The following TMEM178B variants were observed in gnomAD, a reference collection of about 807,000 sequenced individuals.
The protein encoded by TMEM178B is transmembrane protein 178B.
In TMEM178B, 5 loss-of-function variants were observed where a neutral mutation model predicts 31.0. The observed-to-expected ratio is 0.16, with a 90% CI of 0.08 to 0.34. The LOEUF (loss-of-function observed/expected upper bound fraction) is 0.34, where lower values mean the gene tolerates loss of function less well. Among genes scored for constraint, TMEM178B ranks in the 10% least tolerant of loss-of-function variants. The pLI, the probability that TMEM178B is intolerant of heterozygous loss-of-function variation, is 1.00. For synonymous variants in TMEM178B, 164 were observed against 164.0 expected (o/e 1.00, Z 0.00); for missense variants, 275 against 400.3 (o/e 0.69, Z 2.67).
Position 141,347,543 on chromosome 7 carries a change from T to A in TMEM178B, c.497-90065T>A, listed in dbSNP as rs796939171. Among the ~76,000 whole-genome samples the A allele has an allele frequency of 3.3e-5, 5 of 152,224 alleles. 1 individual carries two copies. Among genetic ancestry groups the A allele is most frequent in the African/African-American group, 1.2e-4 (5 of 41,526 alleles). ...GAGCCACATTGTGCAAAAATACTTA[T>A]CTTTAAGCACTAGCATCATGCTCCA... On this transcript the variant is annotated intron_variant, in intron 2 of 3. Coordinates refer to ENST00000565468, the MANE Select transcript of TMEM178B (RefSeq NM_001195278.2).
intron 1 of TMEM178B, among the ~76,000 whole-genome samples, chr7:141,089,687 AG>A (rs1379774707): frequency 1.3e-5 from 2 of 152,228 alleles, no homozygotes; most frequent in Non-Finnish European, 2.9e-5. Flanking sequence ...GCCATAAAAA[AG>A]GATGAGTTCA....
intron 2 of TMEM178B, among the ~76,000 whole-genome samples, chr7:141,285,327 A>ATT (rs914086668): frequency 1.5e-5 from 2 of 137,626 alleles, no homozygotes; most frequent in East Asian, 2.1e-4. Flanking sequence ...ATTTTTTTGT[A>ATT]TTTTTTTTTT....
At chr7:141,149,551 A>G (rs560833324) in intron 1 of TMEM178B, among the ~76,000 whole-genome samples, 10 of 152,338 alleles carry the variant, frequency 6.6e-5, no homozygotes, top group Middle Eastern at 3.4e-3. Flanking sequence ...CAACAACAAC[A>G]ACAACAACAA....
intron 1 of TMEM178B, among the ~76,000 whole-genome samples, chr7:141,084,171 A>C (rs1160066184): frequency 6.6e-6 from 1 of 152,238 alleles, no homozygotes; most frequent in African/African-American, 2.4e-5. Flanking sequence ...GGGATGCAGA[A>C]GTTAGTAAAA....
chr7:141,447,098 G>T (rs1320355693), intron 3 of TMEM178B, among the ~76,000 whole-genome samples: 1 of 152,136 alleles, frequency 6.6e-6, no homozygotes, highest in Non-Finnish European at 1.5e-5. Flanking sequence ...AGGCACCTAG[G>T]ATACAGGGAA....
intron 2 of TMEM178B, among the ~76,000 whole-genome samples, chr7:141,282,074 C>T (rs917366803): frequency 1.3e-5 from 2 of 152,168 alleles, no homozygotes; most frequent in Non-Finnish European, 2.9e-5. Context: ...AACAGTGCTA[C>T]AGGTGTGAAC....
intron 2 of TMEM178B, among the ~76,000 whole-genome samples, chr7:141,225,979 G>A (rs1211775872): frequency 1.3e-5 from 2 of 152,028 alleles, no homozygotes; most frequent in Non-Finnish European, 2.9e-5. Context: ...TGGGCGCCTG[G>A]CACCAAATTA....
chr7:141,148,943 G>T (rs1278780223), intron 1 of TMEM178B, among the ~76,000 whole-genome samples: 5 of 152,210 alleles, frequency 3.3e-5, no homozygotes, highest in Non-Finnish European at 7.3e-5. Context: ...CCCTCACTTG[G>T]GTGGTCCTTA....
chr7:141,172,447 T>TA (rs1176956691), intron 1 of TMEM178B, among the ~76,000 whole-genome samples: 2 of 152,222 alleles, frequency 1.3e-5, no homozygotes, highest in Non-Finnish European at 2.9e-5. Context: ...AAGACCATCT[T>TA]AGACATGCAG....
chr7:141,449,682 C>T (rs141142115), intron 3 of TMEM178B, among the ~76,000 whole-genome samples: 34 of 152,270 alleles, frequency 2.2e-4, no homozygotes, highest in African/African-American at 6.5e-4. Flanking sequence ...ACCAGAGACT[C>T]GGAGAACTGG....
chr7:141,074,742 G>C lies in TMEM178B; in HGVS notation c.382+50G>C. On this transcript the variant is annotated intron_variant, in intron 1 of 3. Coordinates refer to ENST00000565468, the MANE Select transcript of TMEM178B (RefSeq NM_001195278.2). The surrounding 1 kb of genome is among the most constrained non-coding windows in gnomAD (Gnocchi z 5.1). Reference sequence around the variant, plus strand: ...CGCTGCGGAGAGCCCGGCGCCTTTAGGCCCCGCAGCCCCTCGCGTCTCCTT... The same window carrying C: ...CGCTGCGGAGAGCCCGGCGCCTTTACGCCCCGCAGCCCCTCGCGTCTCCTT... 6.9e-7 allele frequency: 1 copy of C among 1,439,244 alleles called. No individual in the cohort carries two copies. The highest frequency in any genetic ancestry group is 1.5e-5 in the South Asian group (1 of 68,234). 89.2% of individuals were successfully genotyped at this position (1,439,244 alleles called of 1,614,324 possible). A position where few individuals can be genotyped will look rare whatever the true frequency, so the allele number is the denominator to read the frequency against.
intron 1 of TMEM178B, among the ~76,000 whole-genome samples, chr7:141,094,628 T>G (rs987855300): frequency 1.3e-5 from 2 of 152,200 alleles, no homozygotes; most frequent in African/African-American, 2.4e-5. Flanking sequence ...CAGGTTTCAT[T>G]TTTTAAAAGA....
At chr7:141,117,232 T>C (rs866778601) in intron 1 of TMEM178B, among the ~76,000 whole-genome samples, 17 of 152,340 alleles carry the variant, frequency 1.1e-4, no homozygotes, top group Middle Eastern at 3.4e-3. Context: ...TGGTATCTCA[T>C]TGTGGTTTTG....
chr7:141,172,828 T>A (rs537974450), intron 1 of TMEM178B, among the ~76,000 whole-genome samples: 2 of 152,362 alleles, frequency 1.3e-5, no homozygotes, highest in South Asian at 4.1e-4. Context: ...CATTAATTCT[T>A]TTGTTCTCCT....
At chr7:141,092,700 A>G (rs916689810) in intron 1 of TMEM178B, among the ~76,000 whole-genome samples, 2 of 152,216 alleles carry the variant, frequency 1.3e-5, no homozygotes, top group African/African-American at 4.8e-5. Context: ...AATCAGATAA[A>G]TAAGTAAAAC....
rs557558725 is a variant in TMEM178B at position 141,191,660 on chromosome 7, C to G, written c.383-20931C>G. On this transcript the variant is annotated intron_variant, in intron 1 of 3. Transcript: ENST00000565468. ...TTTGTATTTTCATGAACTTTCTGTT[C>G]ATATCTTTTGCTCATTTTTAAATTG... Among the ~76,000 whole-genome samples the G allele has an allele frequency of 6.6e-5, 10 of 152,262 alleles. No homozygotes were observed. In the South Asian group the frequency reaches 1.7e-3, roughly 25 times the overall value.
downstream of TMEM178B, among the ~76,000 whole-genome samples, chr7:141,481,915 C>T (rs1053888479): frequency 2.0e-5 from 3 of 152,076 alleles, no homozygotes; most frequent in Non-Finnish European, 2.9e-5. Context: ...ATGGGGAAGA[C>T]GTTCTCACCA....
chr7:141,356,364 C>T (rs1161303426), intron 2 of TMEM178B, among the ~76,000 whole-genome samples: 1 of 149,334 alleles, frequency 6.7e-6, no homozygotes, highest in East Asian at 2.0e-4. Context: ...TTTTCTCTGA[C>T]ACCTCACTGA....
intron 3 of TMEM178B, among the ~76,000 whole-genome samples, chr7:141,462,570 G>A (rs115497345): frequency 0.015 from 2,275 of 152,002 alleles, 46 homozygotes; most frequent in African/African-American, 0.052. Context: ...CTTGGAAACC[G>A]AGGAAAGAGA....
Sources: allele counts gnomAD v4.1 joint callset (sites outside exome capture counted in the v4.1 genomes callset), GRCh38; gene constraint gnomAD v4.1.1; non-coding constraint Gnocchi (gnomAD v3.1); transcripts MANE v1.5; gene names NCBI Gene and HGNC (gene_info 2026-07-23, HGNC 2026-07-21).